B3GALT1: variants seen among roughly 807,000 people sequenced by gnomAD.
The protein encoded by B3GALT1 is beta-1,3-galactosyltransferase 1.
Under a neutral mutation model 23.2 loss-of-function variants are expected in B3GALT1, and 10 were observed. The observed-to-expected ratio is 0.43, with a 90% confidence interval of 0.27 to 0.73. The LOEUF is 0.73. Ranked by LOEUF, B3GALT1 falls within the 30% of genes least tolerant of loss-of-function variation. The pLI is 0.21. For synonymous variants in B3GALT1, 156 were observed against 141.5 expected (o/e 1.10, Z -0.73); for missense variants, 299 against 405.4 (o/e 0.74, Z 2.25).
At chr2:167,596,217 G>C (rs898839935) in intron 2 of B3GALT1, among the ~76,000 whole-genome samples, 2 of 152,204 alleles carry the variant, frequency 1.3e-5, no homozygotes, top group African/African-American at 4.8e-5. Context: ...TAAGCTCAGA[G>C]AACGATAGGT....
chr2:167,474,923 G>T (rs1403577365), intron 1 of B3GALT1, among the ~76,000 whole-genome samples: 4 of 152,124 alleles, frequency 2.6e-5, no homozygotes, highest in Non-Finnish European at 5.9e-5. Flanking sequence ...CTGGGTGATT[G>T]AAGACTTTGT....
chr2:167,869,132 T>C lies in B3GALT1; in HGVS notation c.93T>C (p.Ser31=). 1 of 1,614,208 alleles carries C rather than the reference T, an allele frequency of 6.2e-7. No homozygotes were observed. The stretch of plus-strand genomic sequence containing the variant: ...TGAGTATAACTCGCCCTACTTCTTC[T>C]TACACTGGCTCCAAACCATTCAGCC... The part of the protein sequence containing the change: ...WYLSITRPTS[S]YTGSKPFSHL... Residue 31 remains serine, a synonymous_variant, in exon 5 of 5, where the codon TCT becomes TCC. Transcript: ENST00000392690. This position sits in a 1 kb window ranked among gnomAD's most constrained non-coding sequence, Gnocchi z 6.4.
chr2:167,506,736 GATAAA>G (rs1699923825), intron 2 of B3GALT1, among the ~76,000 whole-genome samples: 1 of 150,718 alleles, frequency 6.6e-6, no homozygotes, highest in South Asian at 2.1e-4. Context: ...TACACACATA[GATAAA>G]ATAATCATGT....
At chr2:167,683,132 C>T (rs566901344) in intron 3 of B3GALT1, among the ~76,000 whole-genome samples, 22 of 152,220 alleles carry the variant, frequency 1.4e-4, no homozygotes, top group African/African-American at 5.3e-4. Context: ...TTGACCAAGG[C>T]ACAGATTCCC....
Position 167,716,048 on chromosome 2 carries a change from A to G in B3GALT1, c.-352+69082A>G, listed in dbSNP as rs2105249141. 6 of 1,599,018 alleles carry G rather than the reference A, an allele frequency of 3.8e-6. No individual in the cohort carries two copies. In the East Asian group the frequency reaches 1.3e-4, roughly 36 times the overall value. ...CCAGCCCCAAGTAGGGCCGAGCGGT[A>G]GCGCCGGGCTCCTCCATAGCGCCAA... On this transcript the variant is annotated intron_variant, in intron 3 of 4. Transcript: ENST00000392690.
At chr2:167,444,680 G>T (rs1698952486) in intron 1 of B3GALT1, among the ~76,000 whole-genome samples, 1 of 152,102 alleles carries the variant, frequency 6.6e-6, no homozygotes, top group Non-Finnish European at 1.5e-5. Flanking sequence ...TTCTCTGATG[G>T]TAGTTTGTAT....
At chr2:167,647,291 C>T (rs1377634659) in intron 3 of B3GALT1, among the ~76,000 whole-genome samples, 1 of 152,126 alleles carries the variant, frequency 6.6e-6, no homozygotes, top group Admixed American at 6.5e-5. Flanking sequence ...CTTGACTTGG[C>T]TTATATTTCT....
At chr2:167,665,929 A>G (rs988061724) in intron 3 of B3GALT1, among the ~76,000 whole-genome samples, 2 of 151,978 alleles carry the variant, frequency 1.3e-5, no homozygotes, top group Admixed American at 6.6e-5. Context: ...GGATTCATTA[A>G]TTTTTTGAAG....
chr2:167,745,303 T>C (rs1687636759), intron 3 of B3GALT1, among the ~76,000 whole-genome samples: 1 of 152,194 alleles, frequency 6.6e-6, no homozygotes, highest in South Asian at 2.1e-4. Flanking sequence ...CATTATTCTC[T>C]ATTTGTTTTA....
At chr2:167,818,942 T>C (rs886167686) in intron 4 of B3GALT1, among the ~76,000 whole-genome samples, 149 bp downstream of exon 4, 1 of 152,206 alleles carries the variant, frequency 6.6e-6, no homozygotes, top group African/African-American at 2.4e-5. Flanking sequence ...TCTTTATTAA[T>C]GTTTACCTGC....
chr2:167,433,113 T>C (rs10221661), intron 1 of B3GALT1, among the ~76,000 whole-genome samples: 84 of 152,340 alleles, frequency 5.5e-4, no homozygotes, highest in African/African-American at 2.0e-3. Flanking sequence ...TCCCAACTCC[T>C]GGAAACCACT....
chr2:167,813,835 A>G (rs181964747), intron 3 of B3GALT1, among the ~76,000 whole-genome samples: 123 of 152,328 alleles, frequency 8.1e-4, no homozygotes, highest in African/African-American at 2.7e-3. Context: ...GCATACAGCA[A>G]TTGGATATTG....
intron 3 of B3GALT1, among the ~76,000 whole-genome samples, chr2:167,790,278 C>G (rs1350734556): frequency 2.0e-5 from 3 of 152,108 alleles, no homozygotes; most frequent in Non-Finnish European, 2.9e-5. Flanking sequence ...TTCCCCAAGC[C>G]TGGGTTGTTC....
intron 3 of B3GALT1, among the ~76,000 whole-genome samples, chr2:167,689,304 T>G (rs1686672147): frequency 6.6e-6 from 1 of 152,098 alleles, no homozygotes; most frequent in Admixed American, 6.6e-5. Flanking sequence ...TGGAATCCTA[T>G]ATCCAGCAAA....
intron 4 of B3GALT1, among the ~76,000 whole-genome samples, chr2:167,849,658 C>T (rs758455463): frequency 2.6e-5 from 4 of 151,994 alleles, no homozygotes; most frequent in Non-Finnish European, 4.4e-5. Context: ...GAGGCCGAGG[C>T]GGGTGGATCA....
intron 1 of B3GALT1, among the ~76,000 whole-genome samples, chr2:167,298,047 T>C (rs1213268055): frequency 1.3e-5 from 2 of 152,162 alleles, no homozygotes; most frequent in Non-Finnish European, 2.9e-5. Flanking sequence ...TTTTCTTCTT[T>C]CTGCCTAAAT....
intron 1 of B3GALT1, among the ~76,000 whole-genome samples, chr2:167,387,305 G>A (rs1042160340): frequency 6.6e-6 from 1 of 152,170 alleles, no homozygotes; most frequent in Admixed American, 6.5e-5. Context: ...GATTTTGTCA[G>A]TTGGGAAAAA....
At chr2:167,348,253 A>G (rs1697255726) in intron 1 of B3GALT1, among the ~76,000 whole-genome samples, 1 of 152,208 alleles carries the variant, frequency 6.6e-6, no homozygotes, top group South Asian at 2.1e-4. Context: ...ATTGACATAC[A>G]TGCGTCCATT....
chr2:167,418,992 A>T (rs1698509315), intron 1 of B3GALT1, among the ~76,000 whole-genome samples: 1 of 152,190 alleles, frequency 6.6e-6, no homozygotes, highest in African/African-American at 2.4e-5. Flanking sequence ...CTTCCATTAG[A>T]GTCTCACTGT....
Sources: gnomAD v4.1 joint callset for allele counts (sites outside exome capture counted in the v4.1 genomes callset) on GRCh38, gnomAD v4.1.1 for gene constraint, Gnocchi (gnomAD v3.1) non-coding constraint, MANE v1.5 for transcripts, NCBI Gene and HGNC (gene_info 2026-07-23, HGNC 2026-07-21) for gene names.